CPS1: variants seen among roughly 807,000 people sequenced by gnomAD.
The protein encoded by CPS1 is carbamoyl-phosphate synthase 1, also known as carbamoyl-phosphate synthase [ammonia], mitochondrial.
A neutral mutation model predicts 174.6 loss-of-function variants in CPS1; 109 were observed. The observed-to-expected ratio is 0.62, with a 90% confidence interval of 0.53 to 0.73. The LOEUF (loss-of-function observed/expected upper bound fraction) is 0.73. Ranked by LOEUF, CPS1 falls within the 30% of genes least tolerant of loss-of-function variation. The probability of loss-of-function intolerance (pLI) is 0.00; values close to 1 mark genes in which losing one functional copy is unlikely to be tolerated. For missense variants in CPS1, 1,689 were observed against 1,821.9 expected, an observed-to-expected ratio of 0.93 and a Z score of 1.33; for synonymous variants, 637 against 632.0, an observed-to-expected ratio of 1.01 and a Z score of -0.12.
At position 210,590,276 on chromosome 2, in the gene CPS1, G is replaced by A. The variant is rs149279523; in HGVS notation, c.840+42G>A. On this transcript the variant is annotated intron_variant, in intron 8 of 37. Coordinates refer to ENST00000233072, the MANE Select transcript of CPS1 (RefSeq NM_001875.5). ...ATTCATGTGTATCTGTGTGGGAGGT[G>A]GGGGCTTCCGCTCTATACCCTCAAA... 20 of 1,611,448 alleles carry A rather than the reference G, an allele frequency of 1.2e-5. 1 individual carries two copies. In the African/African-American group the frequency reaches 1.7e-4, roughly 14 times the overall value.
intron 17 of CPS1, 50 bp from the exon 18 acceptor site, chr2:210,606,681 T>G (rs926507653): frequency 6.4e-7 from 1 of 1,551,224 alleles, no homozygotes; most frequent in African/African-American, 1.4e-5. Context: ...GTCGCTGAAG[T>G]TGGTTATTTC....
At position 210,576,402 on chromosome 2, in the gene CPS1, A is replaced by T. The variant is rs774366086; in HGVS notation, c.293A>T (p.Asn98Ile). 2 of 1,613,798 alleles carry T rather than the reference A, an allele frequency of 1.2e-6. No homozygotes were observed. Among genetic ancestry groups the T allele is most frequent in the South Asian group, 1.1e-5 (1 of 91,076 alleles). Residue 98 changes from asparagine to isoleucine, a missense_variant, in exon 3 of 38, where the codon AAC (asparagine) becomes ATC (isoleucine). Coordinates refer to ENST00000233072, the MANE Select transcript of CPS1 (RefSeq NM_001875.5). ...AAAGGACAGATTCTCACAATGGCCA[A>T]CCCTATTATTGGGAATGGTGGAGCT... Reference protein sequence around the residue: ...AYKGQILTMANPIIGNGGAPD... With the variant: ...AYKGQILTMAIPIIGNGGAPD...
At chr2:210,558,188 C>A (rs918220243) in intron 1 of CPS1, among the ~76,000 whole-genome samples, 5 of 151,832 alleles carry the variant, frequency 3.3e-5, no homozygotes, top group Non-Finnish European at 7.4e-5. Context: ...ATTAAGAAAA[C>A]CAGAAAGGAA....
chr2:210,637,735 A>C lies in CPS1; in HGVS notation c.2721A>C (p.Ala907=), dbSNP rs760200820. 9.3e-6 allele frequency: 15 copies of C among 1,613,940 alleles called. No individual in the cohort carries two copies. ...TGACAGAAGAAACCCTGAAAAGGGC[A>C]AAGGAGATTGGGTTCTCAGATAAGC... The part of the protein sequence containing the change: ...ESMTEETLKR[A]KEIGFSDKQI... The change falls in exon 22 of 38, where the codon GCA becomes GCC. Residue 907 remains alanine (A), a synonymous_variant. Coordinates refer to ENST00000233072, the MANE Select transcript of CPS1 (RefSeq NM_001875.5).
At chr2:210,576,978 A>T (rs1697731918) in intron 3 of CPS1, among the ~76,000 whole-genome samples, 1 of 152,182 alleles carries the variant, frequency 6.6e-6, no homozygotes. Flanking sequence ...TTATATTCCA[A>T]ATTCAATACT....
At chr2:210,605,507 A>C (rs900411386) in intron 17 of CPS1, among the ~76,000 whole-genome samples, 1 of 151,954 alleles carries the variant, frequency 6.6e-6, no homozygotes, top group Admixed American at 6.6e-5. Flanking sequence ...TATGGTAGAA[A>C]TAAGATCCAT....
upstream of CPS1, among the ~76,000 whole-genome samples, chr2:210,555,229 G>GT (rs1465828540): frequency 6.6e-6 from 1 of 151,908 alleles, no homozygotes; most frequent in Non-Finnish European, 1.5e-5. Flanking sequence ...TCCCTTCTGG[G>GT]TTTTTTCCCC....
chr2:210,600,461 T>A (rs544567833), intron 14 of CPS1, 94 bp from the exon 15 acceptor site: 3 of 1,286,396 alleles, frequency 2.3e-6, no homozygotes. Flanking sequence ...CTTCTCGGAT[T>A]TTAAGATTAA....
chr2:210,506,357 A>G (rs1003781333), intron 1 of CPS1, among the ~76,000 whole-genome samples: 1 of 152,030 alleles, frequency 6.6e-6, no homozygotes, highest in African/African-American at 2.4e-5. Context: ...CAAGCAGAAA[A>G]GACATCCACA....
rs779386707 is a variant in CPS1 at position 210,592,000 on chromosome 2, G to A, written c.1086+31G>A. On this transcript the variant is annotated intron_variant, in intron 10 of 37. Coordinates refer to ENST00000233072, the MANE Select transcript of CPS1 (RefSeq NM_001875.5). ...TGATGTCAATAAACCTGTTCAGTTG[G>A]TGATGAGAAACGCAGGGCTTTTAAA... 6 of 1,604,438 alleles carry A rather than the reference G, an allele frequency of 3.7e-6. No homozygotes were observed. In the East Asian group the frequency reaches 9.0e-5, roughly 24 times the overall value.
At chr2:210,503,743 C>T (rs192812734) in intron 1 of CPS1, among the ~76,000 whole-genome samples, 1 of 152,232 alleles carries the variant, frequency 6.6e-6, no homozygotes, top group Non-Finnish European at 1.5e-5. Context: ...ACTTCCTCTG[C>T]AATGTTGTTT....
chr2:210,652,082 G>A (rs1041593478), intron 28 of CPS1, among the ~76,000 whole-genome samples: 1 of 152,182 alleles, frequency 6.6e-6, no homozygotes, highest in South Asian at 2.1e-4. Flanking sequence ...CCTGATGGTT[G>A]ATTCAGAATT....
intron 31 of CPS1, 102 bp from the exon 32 acceptor site, chr2:210,660,383 C>G (rs1700876720): frequency 8.7e-7 from 1 of 1,148,226 alleles, no homozygotes; most frequent in Admixed American, 1.7e-5. Context: ...AAGAGCTGGT[C>G]CCCAGTTAAT....
chr2:210,639,230 A>G lies in CPS1; in HGVS notation c.2895+15A>G, dbSNP rs1381462426. On this transcript the variant is annotated intron_variant, in intron 23 of 37. Coordinates refer to ENST00000233072, the MANE Select transcript of CPS1 (RefSeq NM_001875.5). The stretch of plus-strand genomic sequence containing the variant: ...ACAATGGTCAGGTAGGAATGGGCAA[A>G]TTGGCCTATCCAGAAAGCTCTAGAT... 2 of 1,592,016 alleles carry G rather than the reference A, an allele frequency of 1.3e-6. No individual in the cohort carries two copies. The highest frequency in any genetic ancestry group is 2.2e-5 in the South Asian group (2 of 90,374).
At chr2:210,519,519 T>G (rs1695764818) in intron 1 of CPS1, 1 of 152,342 alleles carries the variant, frequency 6.6e-6, no homozygotes, top group African/African-American at 2.4e-5. Context: ...TTCTGAATAA[T>G]TATTGTCATT....
intron 16 of CPS1, among the ~76,000 whole-genome samples, chr2:210,604,110 T>C (rs1207337534): frequency 6.6e-6 from 1 of 151,872 alleles, no homozygotes. Context: ...TAACATTGGC[T>C]ACTGAATTTT....
chr2:210,654,037 G>A lies in CPS1; in HGVS notation c.3493G>A (p.Val1165Met), dbSNP rs1044111582. 6.2e-7 allele frequency: 1 copy of A among 1,614,026 alleles called. No individual in the cohort carries two copies. The highest frequency in any genetic ancestry group is 8.5e-7 in the Non-Finnish European group (1 of 1,179,880). The change falls in exon 29 of 38, where the codon GTG (valine) becomes ATG (methionine). Residue 1165 changes from valine to methionine, a missense_variant. Val to Met is a conservative substitution (Grantham distance 21). Transcript: ENST00000233072. ...ATRVSQEHPV[V>M]LTKFVEGARE... Reference sequence around the variant, plus strand: ...TCCTTCGTGACAGGAGCACCCAGTGGTGCTGACAAAATTTGTTGAAGGGGC... The same window carrying A: ...TCCTTCGTGACAGGAGCACCCAGTGATGCTGACAAAATTTGTTGAAGGGGC...
chr2:210,600,739 A>G lies in CPS1; in HGVS notation c.1707+27A>G, dbSNP rs1698694666. On this transcript the variant is annotated intron_variant, in intron 15 of 37. Coordinates refer to ENST00000233072, the MANE Select transcript of CPS1 (RefSeq NM_001875.5). ...TAAGGATTCTTTGCTTTGGAAAAAC[A>G]AGGGCATTATTTGTCTTGTGTTGTA... 6 of 1,610,674 alleles carry G rather than the reference A, an allele frequency of 3.7e-6. No individual in the cohort carries two copies. In the Middle Eastern group the frequency reaches 5.0e-4, roughly 133 times the overall value.
At chr2:210,595,428 A>G in intron 12 of CPS1, 59 bp from the exon 13 acceptor site, 1 of 1,200,646 alleles carries the variant, frequency 8.3e-7, no homozygotes, top group South Asian at 1.2e-5. Context: ...CAATCTTGAA[A>G]ATGCCTTATT....
Sources: allele counts gnomAD v4.1 joint callset (sites outside exome capture counted in the v4.1 genomes callset), GRCh38; gene constraint gnomAD v4.1.1; transcripts MANE v1.5; gene names NCBI Gene and HGNC (gene_info 2026-07-23, HGNC 2026-07-21).